KCP: variants seen among roughly 807,000 people sequenced by gnomAD.
KCP encodes kielin cysteine rich BMP regulator.
KCP carries 194 observed loss-of-function variants against 212.7 expected under a neutral mutation model. The observed-to-expected ratio is 0.91, with a 90% CI of 0.81 to 1.03. The LOEUF (loss-of-function observed/expected upper bound fraction) is 1.03, where lower values mean the gene tolerates loss of function less well. KCP is among the 50% of genes least tolerant of loss of function. The pLI is 0.00. For missense variants in KCP, 2,080 were observed against 2,162.5 expected (o/e 0.96, Z 0.76); for synonymous variants, 833 against 865.3 (o/e 0.96, Z 0.65).
Position 128,877,189 on chromosome 7 carries a change from C to T in KCP, c.4741G>A (p.Val1581Met), listed in dbSNP as rs1221025122. 53 of 1,485,978 alleles carry T rather than the reference C, an allele frequency of 3.6e-5. No homozygotes were observed. Among genetic ancestry groups the T allele is most frequent in the African/African-American group, 4.3e-5 (3 of 70,202 alleles). The allele number at this position is 1,485,978 out of a possible 1,614,324, so 92.0% of individuals were successfully genotyped here. A position where few individuals can be genotyped will look rare whatever the true frequency, so the allele number is the denominator to read the frequency against. Residue 1581 changes from valine (V) to methionine (M), a missense_variant, in exon 40 of 40, where the codon GTG (valine) becomes ATG (methionine). By Grantham distance (21) the Val-to-Met change is conservative (BLOSUM62 1). Coordinates refer to ENST00000610776, the MANE Select transcript of KCP (RefSeq NM_001366122.1). Reference sequence around the variant, plus strand: ...CCTGCAGGGCACTGGCAGCCGGGCACGCAGGGCCTCACGCAGTGGGCTGCC... The same window carrying T: ...CCTGCAGGGCACTGGCAGCCGGGCATGCAGGGCCTCACGCAGTGGGCTGCC... ...ELAAHCVRPC[V>M]PGCQCPAGLV... is the part of the protein sequence containing the mutation.
intron 4 of KCP, 35 bp downstream of exon 4, chr7:128,907,066 G>C: frequency 6.5e-7 from 1 of 1,541,248 alleles, no homozygotes; most frequent in Admixed American, 2.0e-5. Context: ...GAGGCAGACA[G>C]GTGAGGGATA....
chr7:128,881,697 G>A lies in KCP; in HGVS notation c.3353C>T (p.Ala1118Val). 1 of 1,528,626 alleles carries A rather than the reference G, an allele frequency of 6.5e-7. No individual in the cohort carries two copies. The highest frequency in any genetic ancestry group is 1.2e-5 in the South Asian group (1 of 80,418). 94.7% of individuals were successfully genotyped at this position (1,528,626 alleles called of 1,614,324 possible). A position where few individuals can be genotyped will look rare whatever the true frequency, so the allele number is the denominator to read the frequency against. The change falls in exon 31 of 40, where the codon GCT becomes GTT. Residue 1118 changes from alanine to valine, a missense_variant. Physicochemically the swap from Ala to Val is moderately conservative, Grantham distance 64. Coordinates refer to ENST00000610776, the MANE Select transcript of KCP (RefSeq NM_001366122.1). ...QDLTWLCIHQ[A>V]CPELSCPLSE... is the part of the protein sequence containing the mutation. ...GAGGGGACAGCTGAGCTCAGGACAA[G>A]CCTGGTGGATGCAGAGCCATGTCAG...
At chr7:128,885,313 C>A in intron 26 of KCP, 43 bp from the exon 27 acceptor site, 1 of 1,504,548 alleles carries the variant, frequency 6.6e-7, no homozygotes, top group Non-Finnish European at 8.9e-7. Flanking sequence ...AGGTTGAGAT[C>A]TGGACATCTG....
chr7:128,887,732 C>T (rs1793757928), intron 22 of KCP, among the ~76,000 whole-genome samples: 1 of 150,724 alleles, frequency 6.6e-6, no homozygotes. Context: ...CACACAGCCA[C>T]ACCCACACTC....
chr7:128,881,576 G>A (rs1198752612), intron 31 of KCP, 50 bp downstream of exon 31: 2 of 1,335,532 alleles, frequency 1.5e-6, no homozygotes, highest in East Asian at 5.4e-5. Flanking sequence ...CCCTTCCTGT[G>A]TTCCCCCTGG....
rs1793996625 is a variant in KCP, at chr7:128,890,121, T to A, written c.2335+222A>T. 4.3e-6 allele frequency: 3 copies of A among 699,156 alleles called. No homozygotes were observed. In the East Asian group the frequency reaches 8.6e-5, roughly 20 times the overall value. The allele number at this position is 699,156 out of a possible 1,614,324, so 43.3% of individuals were successfully genotyped here. A position where few individuals can be genotyped will look rare whatever the true frequency, so the allele number is the denominator to read the frequency against. On this transcript the variant is annotated intron_variant, in intron 21 of 39. Coordinates refer to ENST00000610776, the MANE Select transcript of KCP (RefSeq NM_001366122.1). ...TTTGTGTAGAGACAAGATCTCTCTATGTTGCCCAGGCTGGTCTTGAACTCC... is the reference window on the plus strand; with the variant it reads ...TTTGTGTAGAGACAAGATCTCTCTAAGTTGCCCAGGCTGGTCTTGAACTCC...
chr7:128,906,225 T>C (rs1380538406), intron 5 of KCP, 54 bp downstream of exon 5: 4 of 1,415,852 alleles, frequency 2.8e-6, no homozygotes, highest in Admixed American at 2.0e-5. Flanking sequence ...AGGCTGTGTC[T>C]GTGGGCCAGA....
chr7:128,902,810 T>C lies in KCP; in HGVS notation c.798A>G (p.Thr266=). The stretch of plus-strand genomic sequence containing the variant: ...GGCAGATTCGGCAGGGGTCCCCAGG[T>C]GTTGTCCACTCTTGGCCATGTTCCC... The part of the protein sequence containing the change: ...SHWEHGQEWT[T]PGDPCRICRC... Residue 266 remains threonine (T), a synonymous_variant, in exon 8 of 40, where the codon ACA becomes ACG. Transcript: ENST00000610776. The C allele has an allele frequency of 6.4e-7, 1 of 1,551,446 alleles. No individual in the cohort carries two copies. Among genetic ancestry groups the C allele is most frequent in the South Asian group, 1.2e-5 (1 of 84,066 alleles).
intron 38 of KCP, 27 bp downstream of exon 38, chr7:128,878,531 C>G (rs766255709): frequency 1.5e-4 from 230 of 1,544,876 alleles, no homozygotes; most frequent in Non-Finnish European, 1.9e-4. Flanking sequence ...TCCCCTAATC[C>G]CCATCCCCGG....
At chr7:128,886,336 G>T in intron 26 of KCP, 128 bp downstream of exon 26, 1 of 713,862 alleles carries the variant, frequency 1.4e-6, no homozygotes, top group Non-Finnish European at 2.3e-6. Context: ...TGGCAAGGGT[G>T]TATGCAAGGG....
intron 22 of KCP, among the ~76,000 whole-genome samples, 184 bp from the exon 23 acceptor site, chr7:128,887,484 C>G (rs912576994): frequency 1.3e-5 from 2 of 150,604 alleles, no homozygotes; most frequent in African/African-American, 4.9e-5. Flanking sequence ...CAGCCACACA[C>G]ATACATACAC....
At chr7:128,890,719 G>A (rs1203835443) in intron 20 of KCP, among the ~76,000 whole-genome samples, 186 bp downstream of exon 20, 9 of 151,662 alleles carry the variant, frequency 5.9e-5, no homozygotes, top group African/African-American at 2.2e-4. Context: ...TGGGGGGCTG[G>A]GGGCCGTGGG....
At chr7:128,884,627 C>G (rs1380363736) in intron 28 of KCP, among the ~76,000 whole-genome samples, 154 bp downstream of exon 28, 2 of 152,224 alleles carry the variant, frequency 1.3e-5, no homozygotes, top group African/African-American at 4.8e-5. Flanking sequence ...CCCTGTTGGC[C>G]CCAACCCTGC....
At chr7:128,896,862 G>C (rs1328749110) in intron 8 of KCP, among the ~76,000 whole-genome samples, 3 of 126,468 alleles carry the variant, frequency 2.4e-5, no homozygotes, top group African/African-American at 3.2e-5. Flanking sequence ...TTTCACTCCA[G>C]CCTGGCGACA....
chr7:128,880,652 G>T lies in KCP; in HGVS notation c.3583C>A (p.Pro1195Thr). The T allele has an allele frequency of 1.1e-6, 1 of 881,602 alleles. No individual in the cohort carries two copies. The highest frequency in any genetic ancestry group is 1.6e-6 in the Non-Finnish European group (1 of 635,326). 54.6% of individuals were successfully genotyped at this position (881,602 alleles called of 1,614,324 possible). ...CGCTCACAGCAGCTGTCAGCCTGGG[G>T]CACCTTCGCCCAGCCATGGGGGCAG... is the stretch of plus-strand genomic sequence containing the variant. ...LSCPHGWAKV[P>T]QADSCCERCQ... The change falls in exon 33 of 40, where the codon CCC becomes ACC. Residue 1195 changes from proline to threonine, a missense_variant. Physicochemically the swap from Pro to Thr is conservative, Grantham distance 38. Transcript: ENST00000610776.
intron 5 of KCP, among the ~76,000 whole-genome samples, chr7:128,905,132 T>C (rs909644559): frequency 2.0e-5 from 3 of 152,160 alleles, no homozygotes; most frequent in East Asian, 1.9e-4. Context: ...TCTGAGTCCT[T>C]GTCCCACCTT....
At position 128,892,868 on chromosome 7, in the gene KCP, CCAGGGGGCTGGGTGGGGTGCTGG is replaced by C. The variant is rs1191479407; in HGVS notation, c.1398_1420del (p.Cys466TrpfsTer8). 7 of 1,550,822 alleles carry C rather than the reference CCAGGGGGCTGGGTGGGGTGCTGG, an allele frequency of 4.5e-6. No homozygotes were observed. Among genetic ancestry groups the C allele is most frequent in the Non-Finnish European group, 6.1e-6 (7 of 1,146,692 alleles). On this transcript the variant is annotated frameshift_variant and splice_region_variant, in exon 14 of 40. Transcript: ENST00000610776. LOFTEE classifies it high-confidence loss of function. ...AAGCCAGGATCAGCCCAGGCACTCA[CCAGGGGGCTGGGTGGGGTGCTGG>C]CAGGGGGCTGGGGGGCAGAGCACAG...
Position 128,881,673 on chromosome 7 carries a change from A to C in KCP, c.3377T>G (p.Leu1126Arg), listed in dbSNP as rs560171988. The C allele has an allele frequency of 6.6e-7, 1 of 1,515,868 alleles. No homozygotes were observed. Among genetic ancestry groups the C allele is most frequent in the East Asian group, 2.5e-5 (1 of 40,382 alleles). 93.9% of individuals were successfully genotyped at this position (1,515,868 alleles called of 1,614,324 possible). Residue 1126 changes from leucine to arginine, a missense_variant, in exon 31 of 40, where the codon CTC becomes CGC. Transcript: ENST00000610776. The stretch of plus-strand genomic sequence containing the variant: ...CCCAGGGGGAGTGTGGCGCTCTGAG[A>C]GGGGACAGCTGAGCTCAGGACAAGC... The part of the protein sequence containing the change: ...HQACPELSCP[L>R]SERHTPPGSC...
rs908777322 is a variant in KCP at position 128,910,579 on chromosome 7, A to G, written c.76+22T>C. ...AGGGGGCGCACCTGGCCGGACCCCA[A>G]GCCTCCCGCACCTGGACTCACCTTC... On this transcript the variant is annotated intron_variant, in intron 1 of 39. Coordinates refer to ENST00000610776, the MANE Select transcript of KCP (RefSeq NM_001366122.1). The G allele has an allele frequency of 1.1e-4, 164 of 1,508,090 alleles. 2 individuals are homozygous for G. In the East Asian group the frequency reaches 4.2e-3, roughly 38 times the overall value. 93.4% of individuals were successfully genotyped at this position (1,508,090 alleles called of 1,614,324 possible). A position where few individuals can be genotyped will look rare whatever the true frequency, so the allele number is the denominator to read the frequency against.
Sources: allele counts gnomAD v4.1 joint callset (sites outside exome capture counted in the v4.1 genomes callset), GRCh38; gene constraint gnomAD v4.1.1; transcripts MANE v1.5; gene names NCBI Gene and HGNC (gene_info 2026-07-23, HGNC 2026-07-21).